KATNBL1: variants seen among roughly 807,000 people sequenced by gnomAD.
KATNBL1 encodes the protein KATNB1-like protein 1.
Under a neutral mutation model 44.7 loss-of-function variants are expected in KATNBL1, and 28 were observed. The ratio of observed to expected loss-of-function variants is 0.63; its 90% CI spans 0.46 to 0.86. The LOEUF (loss-of-function observed/expected upper bound fraction) is 0.86, where lower values mean the gene tolerates loss of function less well. KATNBL1 is among the 40% of genes least tolerant of loss of function. The pLI is 0.00. For synonymous variants in KATNBL1, 78 were observed against 114.9 expected (o/e 0.68, Z 2.06); for missense variants, 272 against 350.7 (o/e 0.78, Z 1.79).
chr15:34,205,873 T>C (rs1890281661), intron 1 of KATNBL1, among the ~76,000 whole-genome samples: 1 of 152,194 alleles, frequency 6.6e-6, no homozygotes, highest in East Asian at 1.9e-4. Flanking sequence ...TTAAATTCCA[T>C]CCTAAGATTT....
At chr15:34,179,496 AT>A (rs941130702) in intron 1 of KATNBL1, among the ~76,000 whole-genome samples, 23 of 151,268 alleles carry the variant, frequency 1.5e-4, no homozygotes, top group African/African-American at 5.1e-4. Flanking sequence ...TAGCAATGGT[AT>A]TTTTTTTTGT....
intron 1 of KATNBL1, among the ~76,000 whole-genome samples, chr15:34,181,626 ATGTC>A (rs1202989176): frequency 3.8e-5 from 5 of 132,016 alleles, no homozygotes; most frequent in African/African-American, 1.4e-4. Flanking sequence ...ACACATATAT[ATGTC>A]CATATATATA....
intron 9 of KATNBL1, chr15:34,144,984 T>C (rs1323063942): frequency 1.4e-6 from 1 of 697,760 alleles, no homozygotes; most frequent in African/African-American, 1.9e-5. Context: ...TTTAAATAGT[T>C]TACCTTCTCA....
intron 1 of KATNBL1, among the ~76,000 whole-genome samples, chr15:34,186,807 C>A (rs61740104): frequency 0.019 from 2,890 of 152,346 alleles, 85 homozygotes; most frequent in African/African-American, 0.066. Context: ...GGGAGACAGA[C>A]AAGAGTCCTG....
chr15:34,181,790 A>G (rs974121420), intron 1 of KATNBL1, among the ~76,000 whole-genome samples: 2 of 123,596 alleles, frequency 1.6e-5, no homozygotes, highest in South Asian at 2.7e-4. Context: ...ATGTCCATAT[A>G]TATATCCATA....
At position 34,192,774 on chromosome 15, in the gene KATNBL1, A is replaced by C. The variant is rs145358764; in HGVS notation, c.-15+17177T>G. 3.9e-3 allele frequency among the ~76,000 whole-genome samples: 592 copies of C among 152,344 alleles called. 6 individuals are homozygous for C. The highest frequency in any genetic ancestry group is 0.014 in the African/African-American group (573 of 41,578). On this transcript the variant is annotated intron_variant, in intron 1 of 9. Coordinates refer to ENST00000256544, the MANE Select transcript of KATNBL1 (RefSeq NM_024713.3). ...AAAATCAGGAATAAATATGGAAAAA[A>C]TAATCTCTCTCCTTTTAGAATATCC...
intron 1 of KATNBL1, chr15:34,199,842 AGT>A (rs1338320977): frequency 3.7e-3 from 2 of 544 alleles, no homozygotes; most frequent in Non-Finnish European, 6.3e-3. Context: ...GAAAGAACAA[AGT>A]ACGGAAAGAA....
chr15:34,164,140 C>T (rs547552829), intron 1 of KATNBL1, among the ~76,000 whole-genome samples: 3 of 152,264 alleles, frequency 2.0e-5, no homozygotes, highest in South Asian at 4.1e-4. Flanking sequence ...GTGATCCATC[C>T]GCCTCAGCCT....
chr15:34,157,712 C>A (rs547160711), intron 2 of KATNBL1, among the ~76,000 whole-genome samples: 2 of 152,090 alleles, frequency 1.3e-5, no homozygotes, highest in South Asian at 2.1e-4. Context: ...CCATGGCAAC[C>A]GAGTCTCTAA....
At chr15:34,152,561 A>G (rs1202124280) in intron 4 of KATNBL1, among the ~76,000 whole-genome samples, 1 of 152,168 alleles carries the variant, frequency 6.6e-6, no homozygotes, top group Non-Finnish European at 1.5e-5. Context: ...GTCATTCTGG[A>G]TAGTTTTAGC....
chr15:34,164,111 C>T (rs1888893048), intron 1 of KATNBL1, among the ~76,000 whole-genome samples: 1 of 152,206 alleles, frequency 6.6e-6, no homozygotes, highest in Admixed American at 6.5e-5. Context: ...TCAGGCTGAT[C>T]TCATACTCCT....
intron 1 of KATNBL1, among the ~76,000 whole-genome samples, chr15:34,189,320 G>C (rs1176656783): frequency 6.6e-6 from 1 of 152,130 alleles, no homozygotes; most frequent in East Asian, 1.9e-4. Flanking sequence ...CACTGCACCT[G>C]GCCCTGGAAC....
In KATNBL1 at chr15:34,152,905, C is replaced by T. The variant is rs770828177; in HGVS notation, c.323G>A (p.Gly108Asp). The T allele has an allele frequency of 1.4e-5, 23 of 1,613,882 alleles. No homozygotes were observed. The highest frequency in any genetic ancestry group is 1.8e-5 in the Non-Finnish European group (21 of 1,179,910). Residue 108 changes from glycine to aspartate, a missense_variant, in exon 4 of 10, where the codon GGC (glycine) becomes GAC (aspartate). Physicochemically the swap from Gly to Asp is moderately conservative, Grantham distance 94 (BLOSUM62 -1). Around this residue, in one of 3 missense-constraint regions of KATNBL1, gnomAD observed 111 missense variants for 149.3 expected, o/e 0.74. Transcript: ENST00000256544. ...ANKENELACA[G>D]HLPEKLHHDS... ...ATGGTGTAATTTTTCAGGCAGGTGG[C>T]CTGCACAAGCCAGTTCATTTTCTTT...
At chr15:34,190,837 C>T (rs1889851320) in intron 1 of KATNBL1, among the ~76,000 whole-genome samples, 1 of 152,064 alleles carries the variant, frequency 6.6e-6, no homozygotes, top group South Asian at 2.1e-4. Flanking sequence ...TACCAACTAC[C>T]AGTTTAATGG....
chr15:34,185,805 G>A (rs2140976506), intron 1 of KATNBL1, among the ~76,000 whole-genome samples: 1 of 152,286 alleles, frequency 6.6e-6, no homozygotes, highest in Non-Finnish European at 1.5e-5. Context: ...ACAGGAATTA[G>A]GGAGGGGTAA....
intron 1 of KATNBL1, among the ~76,000 whole-genome samples, chr15:34,187,610 C>G (rs891126942): frequency 3.3e-5 from 5 of 152,128 alleles, no homozygotes; most frequent in Admixed American, 6.6e-5. Flanking sequence ...CAGGACCAAG[C>G]CACCTGTAAA....
chr15:34,179,606 CTA>C (rs1555529221), intron 1 of KATNBL1, among the ~76,000 whole-genome samples: 1 of 152,084 alleles, frequency 6.6e-6, no homozygotes, highest in Non-Finnish European at 1.5e-5. Context: ...ATAGCCAAGA[CTA>C]TAGGCACACA....
chr15:34,176,678 A>C (rs1340165433), intron 1 of KATNBL1, among the ~76,000 whole-genome samples: 1 of 152,184 alleles, frequency 6.6e-6, no homozygotes, highest in Non-Finnish European at 1.5e-5. Flanking sequence ...CAATCAGTAA[A>C]TTGTACATTT....
intron 8 of KATNBL1, 92 bp from the exon 9 acceptor site, chr15:34,145,583 A>AT: frequency 3.6e-6 from 4 of 1,126,150 alleles, no homozygotes; most frequent in Non-Finnish European, 4.6e-6. Context: ...CTGTTCTAAA[A>AT]TTTTTCAGGT....
Sources: allele counts gnomAD v4.1 joint callset (sites outside exome capture counted in the v4.1 genomes callset), GRCh38; gene constraint gnomAD v4.1.1; regional missense constraint gnomAD v4.1.1; transcripts MANE v1.5; gene names NCBI Gene and HGNC (gene_info 2026-07-23, HGNC 2026-07-21).